PTPN13: variants seen among roughly 807,000 people sequenced by gnomAD.
PTPN13 encodes protein tyrosine phosphatase non-receptor type 13, also known as tyrosine-protein phosphatase non-receptor type 13.
A neutral mutation model predicts 284.0 loss-of-function variants in PTPN13; 191 were observed. The ratio of observed to expected loss-of-function variants is 0.67; its 90% confidence interval spans 0.60 to 0.76. The LOEUF (loss-of-function observed/expected upper bound fraction) is 0.76, where lower values mean the gene tolerates loss of function less well. PTPN13 is among the 30% of genes least tolerant of loss of function. The pLI, the probability that PTPN13 is intolerant of heterozygous loss-of-function variation, is 0.00. For synonymous variants in PTPN13, 986 were observed against 1,022.3 expected, an observed-to-expected ratio of 0.96 and a Z score of 0.68; for missense variants, 2,797 against 2,939.9, an observed-to-expected ratio of 0.95 and a Z score of 1.12.
chr4:86,655,434 T>C (rs1306105767), intron 2 of PTPN13, among the ~76,000 whole-genome samples: 1 of 152,164 alleles, frequency 6.6e-6, no homozygotes. Context: ...TAGGGCAGGC[T>C]TGGTGGTGAC....
intron 41 of PTPN13, 26 bp from the exon 42 acceptor site, chr4:86,799,075 G>T: frequency 1.5e-6 from 2 of 1,373,114 alleles, no homozygotes; most frequent in African/African-American, 2.9e-5. Flanking sequence ...TGAAGAAAAT[G>T]TTTCAAATAT....
At chr4:86,785,110 C>A in intron 38 of PTPN13, 121 bp from the exon 39 acceptor site, 2 of 694,918 alleles carry the variant, frequency 2.9e-6, no homozygotes, top group Non-Finnish European at 4.5e-6. Flanking sequence ...CCAGTCATTG[C>A]TACTTTTAAA....
chr4:86,653,409 G>A (rs1487318587), intron 2 of PTPN13, among the ~76,000 whole-genome samples: 6 of 152,028 alleles, frequency 3.9e-5, no homozygotes, highest in South Asian at 2.1e-4. Flanking sequence ...TGAATTCAAA[G>A]GGGATTGAGT....
intron 1 of PTPN13, among the ~76,000 whole-genome samples, chr4:86,596,997 G>T (rs79911096): frequency 0.044 from 6,688 of 152,238 alleles, 198 homozygotes; most frequent in African/African-American, 0.052. Flanking sequence ...GGAGAACTCT[G>T]TGTAGTTCAA....
chr4:86,620,613 TA>T (rs1357294534), intron 1 of PTPN13, among the ~76,000 whole-genome samples: 1 of 152,248 alleles, frequency 6.6e-6, no homozygotes, highest in Non-Finnish European at 1.5e-5. Flanking sequence ...ACATCATGTC[TA>T]AATAGCCAAC....
Position 86,764,697 on chromosome 4 carries a change from T to A in PTPN13, c.4122T>A (p.Asn1374Lys), listed in dbSNP as rs1366737763. 6 of 1,605,954 alleles carry A rather than the reference T, an allele frequency of 3.7e-6. No individual in the cohort carries two copies. The Admixed American group carries it at 5.2e-5, about 14-fold the overall frequency. The change falls in exon 25 of 48, where the codon AAT becomes AAA. Residue 1374 changes from asparagine to lysine, a missense_variant. Physicochemically the swap from Asn to Lys is moderately conservative, Grantham distance 94. Transcript: ENST00000411767. ...TCTTTGAGGTTGAACTGGCTAAAAA[T>A]GATAACAGCTTGGGGATAAGTGTCA... ...GDIFEVELAK[N>K]DNSLGISVTG... is the part of the protein sequence containing the mutation.
rs2149278845 is a variant in PTPN13, at chr4:86,772,869, C to T, written c.5260C>T (p.His1754Tyr). The T allele has an allele frequency of 6.2e-7, 1 of 1,612,686 alleles. No individual in the cohort carries two copies. The highest frequency in any genetic ancestry group is 2.2e-5 in the East Asian group (1 of 44,842). The change falls in exon 32 of 48, where the codon CAT becomes TAT. Residue 1754 changes from histidine (H) to tyrosine (Y), a missense_variant. Transcript: ENST00000411767. Reference sequence around the variant, plus strand: ...TTCCTCTAGTTCGATGGATAAGTATCATATACATCACATTTCTGAACCAAC... The same window carrying T: ...TTCCTCTAGTTCGATGGATAAGTATTATATACATCACATTTCTGAACCAAC... ...SASSSSMDKY[H>Y]IHHISEPTRQ...
intron 17 of PTPN13, 139 bp downstream of exon 17, chr4:86,745,267 G>T: frequency 1.2e-6 from 1 of 819,420 alleles, no homozygotes; most frequent in Non-Finnish European, 1.9e-6. Context: ...AGTCTATAAA[G>T]GTGTTACAAG....
At chr4:86,667,287 C>A (rs1196619758) in intron 2 of PTPN13, among the ~76,000 whole-genome samples, 3 of 152,026 alleles carry the variant, frequency 2.0e-5, no homozygotes, top group Non-Finnish European at 4.4e-5. Flanking sequence ...TGTAAAATGT[C>A]TTTAAAGAGA....
intron 1 of PTPN13, among the ~76,000 whole-genome samples, chr4:86,622,388 A>G (rs1245163881): frequency 2.6e-5 from 4 of 152,242 alleles, no homozygotes; most frequent in South Asian, 4.1e-4. Context: ...TTTGGTAATA[A>G]CTAAGTACAT....
chr4:86,650,346 C>CTG (rs1411571525), intron 2 of PTPN13, among the ~76,000 whole-genome samples: 1 of 152,082 alleles, frequency 6.6e-6, no homozygotes, highest in African/African-American at 2.4e-5. Flanking sequence ...GGGTCTCACT[C>CTG]TGTCACCCAG....
At position 86,694,454 on chromosome 4, in the gene PTPN13, C is replaced by T. The variant is rs557982294; in HGVS notation, c.634+780C>T. Reference sequence around the variant, plus strand: ...AATTAGCCGGGCATGGTGGCAGGCACCTGTAATCCCAGCTACTCGGGAGGC... The same window carrying T: ...AATTAGCCGGGCATGGTGGCAGGCATCTGTAATCCCAGCTACTCGGGAGGC... On this transcript the variant is annotated intron_variant, in intron 6 of 47. Transcript: ENST00000411767. 4.6e-5 allele frequency among the ~76,000 whole-genome samples: 7 copies of T among 151,498 alleles called. No individual in the cohort carries two copies. In the South Asian group the frequency reaches 1.5e-3, roughly 32 times the overall value.
chr4:86,805,232 G>C, intron 43 of PTPN13, 47 bp from the exon 44 acceptor site: 1 of 1,286,188 alleles, frequency 7.8e-7, no homozygotes. Context: ...AGTTATTACT[G>C]AATTACTGCT....
At chr4:86,755,585 G>A (rs1737880347) in intron 20 of PTPN13, among the ~76,000 whole-genome samples, 1 of 151,946 alleles carries the variant, frequency 6.6e-6, no homozygotes, top group East Asian at 1.9e-4. Flanking sequence ...ACTTTACAGT[G>A]GTGCAAAAGA....
At chr4:86,756,111 T>A (rs977441284) in intron 20 of PTPN13, among the ~76,000 whole-genome samples, 9 of 151,868 alleles carry the variant, frequency 5.9e-5, no homozygotes, top group African/African-American at 2.2e-4. Flanking sequence ...GGTTATTAAA[T>A]CTGAAACTTG....
intron 2 of PTPN13, among the ~76,000 whole-genome samples, chr4:86,648,139 T>G (rs1420107599): frequency 6.6e-6 from 1 of 152,108 alleles, no homozygotes; most frequent in Non-Finnish European, 1.5e-5. Flanking sequence ...CATGTGATAT[T>G]TTGAAAAAAG....
rs116958750 is a variant in PTPN13, at chr4:86,669,993, G to C, written c.116-2372G>C. Among the ~76,000 whole-genome samples, 12 of 151,916 alleles carry C rather than the reference G, an allele frequency of 7.9e-5. No individual in the cohort carries two copies. The East Asian group carries it at 2.3e-3, about 30-fold the overall frequency. ...TAGAATTAATTAAAATAGTGGGATGGAGATTGGCAGTAGTGAGCGAAAGAA... is the reference window on the plus strand; with the variant it reads ...TAGAATTAATTAAAATAGTGGGATGCAGATTGGCAGTAGTGAGCGAAAGAA... On this transcript the variant is annotated intron_variant, in intron 2 of 47. Coordinates refer to ENST00000411767, the MANE Select transcript of PTPN13 (RefSeq NM_080683.3).
Position 86,753,034 on chromosome 4 carries a change from C to T in PTPN13, c.3192C>T (p.Asn1064=), listed in dbSNP as rs745465085. 2 of 1,608,416 alleles carry T rather than the reference C, an allele frequency of 1.2e-6. No homozygotes were observed. The highest frequency in any genetic ancestry group is 2.2e-5 in the South Asian group (2 of 90,498). Reference sequence around the variant, plus strand: ...GAATGACTATGCATAGTTCTGGAAACTCTTCATCCCAAGTACCCTTAAAAG... The same window carrying T: ...GAATGACTATGCATAGTTCTGGAAATTCTTCATCCCAAGTACCCTTAAAAG... ...VLGMTMHSSG[N]SSSQVPLKEN... is the part of the protein sequence containing the mutation. The change falls in exon 20 of 48, where the codon AAC becomes AAT. Residue 1064 remains asparagine (N), a synonymous_variant. Transcript: ENST00000411767.
chr4:86,807,488 C>T (rs1248546063), intron 44 of PTPN13, 72 bp from the exon 45 acceptor site: 1 of 1,125,598 alleles, frequency 8.9e-7, no homozygotes, highest in East Asian at 2.4e-5. Flanking sequence ...ATCTTTGACT[C>T]ATGCAATTTG....
Sources: allele counts gnomAD v4.1 joint callset (sites outside exome capture counted in the v4.1 genomes callset), GRCh38; gene constraint gnomAD v4.1.1; transcripts MANE v1.5; gene names NCBI Gene and HGNC (gene_info 2026-07-23, HGNC 2026-07-21).